Variants in DLC1 observed in about 807,000 individuals in gnomAD.
The protein encoded by DLC1 is rho GTPase-activating protein 7.
A neutral mutation model predicts 140.3 loss-of-function variants in DLC1; 54 were observed. The observed-to-expected ratio is 0.38, with a 90% CI of 0.31 to 0.48. The LOEUF (loss-of-function observed/expected upper bound fraction) is 0.48, where lower values mean the gene tolerates loss of function less well. DLC1 is among the 20% of genes least tolerant of loss of function. The probability of loss-of-function intolerance (pLI) is 0.96; values close to 1 mark genes in which losing one functional copy is unlikely to be tolerated. For missense variants in DLC1, 2,536 were observed against 1,907.0 expected (o/e 1.33, Z -6.14); for synonymous variants, 986 against 728.1 (o/e 1.35, Z -5.70).
intron 1 of DLC1, among the ~76,000 whole-genome samples, chr8:13,545,317 C>CTA (rs199529541): frequency 0.018 from 2,610 of 148,598 alleles, 36 homozygotes; most frequent in Middle Eastern, 0.029. Context: ...ATATATGCTA[C>CTA]TATATATATA....
At chr8:13,218,435 A>G (rs1375719649) in intron 5 of DLC1, among the ~76,000 whole-genome samples, 2 of 152,158 alleles carry the variant, frequency 1.3e-5, no homozygotes, top group Non-Finnish European at 2.9e-5. Flanking sequence ...AACTGTTGAT[A>G]AAGAGACAAC....
intron 2 of DLC1, among the ~76,000 whole-genome samples, chr8:13,447,396 C>T (rs1798826844): frequency 6.6e-6 from 1 of 152,014 alleles, no homozygotes; most frequent in Admixed American, 6.6e-5. Context: ...TGGCATGAAC[C>T]AGGTTTTGTT....
At chr8:13,455,591 G>T (rs1231638454) in intron 2 of DLC1, among the ~76,000 whole-genome samples, 2 of 152,128 alleles carry the variant, frequency 1.3e-5, no homozygotes, top group African/African-American at 4.8e-5. Flanking sequence ...ATCTCTTTCA[G>T]TCTTTTCTCC....
chr8:13,292,442 C>T (rs929448159), intron 5 of DLC1, among the ~76,000 whole-genome samples: 1 of 152,030 alleles, frequency 6.6e-6, no homozygotes, highest in African/African-American at 2.4e-5. Context: ...TTTTGGTGTT[C>T]GAAAATATTA....
At chr8:13,576,208 C>G (rs540754500) in intron 1 of DLC1, among the ~76,000 whole-genome samples, 1 of 152,134 alleles carries the variant, frequency 6.6e-6, no homozygotes, top group African/African-American at 2.4e-5. Flanking sequence ...TGTAATAACC[C>G]GCATTGCTGT....
At chr8:13,469,790 T>C (rs1800121848) in intron 2 of DLC1, among the ~76,000 whole-genome samples, 1 of 152,170 alleles carries the variant, frequency 6.6e-6, no homozygotes, top group South Asian at 2.1e-4. Flanking sequence ...GAAAAACATA[T>C]TGTTTTGCTG....
At chr8:13,504,804 TGG>T (rs1260201625) in intron 1 of DLC1, among the ~76,000 whole-genome samples, 2 of 152,100 alleles carry the variant, frequency 1.3e-5, no homozygotes, top group Admixed American at 6.6e-5. Flanking sequence ...CAAAAGCTAC[TGG>T]AGAGATAGCT....
chr8:13,594,085 C>A (rs775032971), intron 1 of DLC1, among the ~76,000 whole-genome samples: 1 of 152,018 alleles, frequency 6.6e-6, no homozygotes, highest in Non-Finnish European at 1.5e-5. Context: ...CGCTTGAGTC[C>A]AGGAAGTTGA....
At chr8:13,091,541 A>G in intron 13 of DLC1, 109 bp from the exon 14 acceptor site, 1 of 907,962 alleles carries the variant, frequency 1.1e-6, no homozygotes, top group Non-Finnish European at 1.6e-6. Flanking sequence ...TTTCACTGGA[A>G]TCTGTTTATT....
intron 5 of DLC1, among the ~76,000 whole-genome samples, chr8:13,204,377 C>G (rs1374171874): frequency 2.0e-5 from 3 of 152,096 alleles, no homozygotes; most frequent in South Asian, 2.1e-4. Context: ...TAATGAGAAC[C>G]GCTATCATAG....
chr8:13,199,093 G>A (rs561469045), intron 5 of DLC1, among the ~76,000 whole-genome samples: 2 of 150,920 alleles, frequency 1.3e-5, no homozygotes, highest in South Asian at 2.1e-4. Flanking sequence ...GAGACTTTGC[G>A]TATAATCTCA....
chr8:13,166,422 C>G (rs373073838), intron 5 of DLC1, among the ~76,000 whole-genome samples: 1 of 152,102 alleles, frequency 6.6e-6, no homozygotes, highest in African/African-American at 2.4e-5. Context: ...CTCATTGCAA[C>G]CTCTGCCTCC....
chr8:13,528,907 C>G (rs1211990894), intron 1 of DLC1, among the ~76,000 whole-genome samples: 1 of 152,124 alleles, frequency 6.6e-6, no homozygotes, highest in African/African-American at 2.4e-5. Context: ...TGAAGCCAAT[C>G]TGATGAGGCT....
chr8:13,457,407 G>T (rs763985095), intron 2 of DLC1, among the ~76,000 whole-genome samples: 2 of 151,942 alleles, frequency 1.3e-5, no homozygotes, highest in Non-Finnish European at 2.9e-5. Context: ...TGCTGGGCAC[G>T]GTGGCTCATG....
At chr8:13,164,171 G>A (rs527538431) in intron 5 of DLC1, among the ~76,000 whole-genome samples, 16 of 152,076 alleles carry the variant, frequency 1.1e-4, no homozygotes, top group Admixed American at 2.0e-4. Context: ...GGTGGCAGGC[G>A]CCTTAATCCC....
At chr8:13,368,812 C>A (rs1269474918) in intron 4 of DLC1, among the ~76,000 whole-genome samples, 2 of 152,042 alleles carry the variant, frequency 1.3e-5, no homozygotes, top group Non-Finnish European at 2.9e-5. Flanking sequence ...CTGCTCAGTC[C>A]ATCTCTGATG....
intron 1 of DLC1, among the ~76,000 whole-genome samples, chr8:13,511,437 T>C (rs1802361956): frequency 6.6e-6 from 1 of 152,194 alleles, no homozygotes; most frequent in South Asian, 2.1e-4. Flanking sequence ...TCCTAGTTTA[T>C]TCATTATTAT....
At chr8:13,191,027 T>C (rs1460911681) in intron 5 of DLC1, among the ~76,000 whole-genome samples, 1 of 151,904 alleles carries the variant, frequency 6.6e-6, no homozygotes, top group Non-Finnish European at 1.5e-5. Flanking sequence ...GGGGGTGAGA[T>C]AGATAACGAG....
chr8:13,216,708 A>T (rs1354567020), intron 5 of DLC1, among the ~76,000 whole-genome samples: 1 of 152,078 alleles, frequency 6.6e-6, no homozygotes, highest in Non-Finnish European at 1.5e-5. Context: ...AGTTTGTGTC[A>T]ACTGATTCTT....
Sources: gnomAD v4.1 joint callset for allele counts (sites outside exome capture counted in the v4.1 genomes callset) on GRCh38, gnomAD v4.1.1 for gene constraint, MANE v1.5 for transcripts, NCBI Gene and HGNC (gene_info 2026-07-23, HGNC 2026-07-21) for gene names.